PTPRN2: variants seen among roughly 807,000 people sequenced by gnomAD.
The protein encoded by PTPRN2 is protein tyrosine phosphatase receptor type N2.
Under a neutral mutation model 118.8 loss-of-function variants are expected in PTPRN2, and 74 were observed. The ratio of observed to expected loss-of-function variants is 0.62; its 90% CI spans 0.52 to 0.76. The LOEUF is 0.76. PTPRN2 is among the 30% of genes least tolerant of loss of function. PTPRN2 has a pLI of 0.00. For synonymous variants in PTPRN2, 641 were observed against 608.0 expected (o/e 1.05, Z -0.80); for missense variants, 1,481 against 1,394.4 (o/e 1.06, Z -0.99).
chr7:157,807,124 A>T lies in PTPRN2; in HGVS notation c.1788+91549T>A, dbSNP rs115393637. 6.1e-3 allele frequency among the ~76,000 whole-genome samples: 922 copies of T among 152,302 alleles called. 6 individuals carry two copies. The highest frequency in any genetic ancestry group is 0.021 in the African/African-American group (863 of 41,562). ...GAGAGGCAGAAATGGGGCCCTTCCG[A>T]TGTAGCTGGCAAAGCTGTAGGTGAA... On this transcript the variant is annotated intron_variant, in intron 12 of 22. Coordinates refer to ENST00000389418, the MANE Select transcript of PTPRN2 (RefSeq NM_002847.5).
At chr7:158,129,675 G>A (rs927789288) in intron 9 of PTPRN2, among the ~76,000 whole-genome samples, 4 of 152,254 alleles carry the variant, frequency 2.6e-5, no homozygotes, top group East Asian at 1.9e-4. Context: ...AGCACAGGGC[G>A]TTTGACCACC....
intron 11 of PTPRN2, among the ~76,000 whole-genome samples, chr7:158,050,815 GCACA>G (rs1809268552): frequency 6.6e-6 from 1 of 152,206 alleles, no homozygotes; most frequent in Non-Finnish European, 1.5e-5. Context: ...CTTCCTCTGT[GCACA>G]CCTCTTTATG....
intron 1 of PTPRN2, among the ~76,000 whole-genome samples, chr7:158,578,405 C>T (rs973202690): frequency 6.6e-6 from 1 of 151,368 alleles, no homozygotes; most frequent in Non-Finnish European, 1.5e-5. Flanking sequence ...CATGGTGGCA[C>T]ATACCTGTAG....
At chr7:158,500,418 AAAG>A (rs1447567168) in intron 1 of PTPRN2, among the ~76,000 whole-genome samples, 2 of 152,260 alleles carry the variant, frequency 1.3e-5, no homozygotes, top group South Asian at 2.1e-4. Context: ...GACACAGAAC[AAAG>A]AAGAAAAACT....
intron 3 of PTPRN2, among the ~76,000 whole-genome samples, chr7:158,247,705 C>T (rs1050254830): frequency 2.0e-5 from 3 of 152,280 alleles, no homozygotes; most frequent in East Asian, 3.9e-4. Context: ...CAATCTCCGC[C>T]TCCCGGGTTC....
Position 158,008,833 on chromosome 7 carries a change from G to A in PTPRN2, c.1723+72465C>T, listed in dbSNP as rs1585193950. Among the ~76,000 whole-genome samples the A allele has an allele frequency of 2.0e-5, 3 of 152,180 alleles. No homozygotes were observed. In the East Asian group the frequency reaches 5.8e-4, roughly 29 times the overall value. ...CTTTCTCATGGTCTAGTCATTGTAA[G>A]TTTGTTTTTTAAAAAGTTTTACTAA... is the stretch of plus-strand genomic sequence containing the variant. On this transcript the variant is annotated intron_variant, in intron 11 of 22. Transcript: ENST00000389418.
At chr7:158,104,451 C>A (rs1214715772) in intron 10 of PTPRN2, among the ~76,000 whole-genome samples, 1 of 152,104 alleles carries the variant, frequency 6.6e-6, no homozygotes, top group East Asian at 1.9e-4. Flanking sequence ...ACACCAAGAT[C>A]AGCAGCAGGG....
In PTPRN2 at chr7:158,071,388, G is replaced by GTGA. The variant is rs773697646; in HGVS notation, c.1723+9909_1723+9910insTCA. 4.2e-4 allele frequency among the ~76,000 whole-genome samples: 43 copies of GTGA among 101,388 alleles called. 1 individual carries two copies. Among genetic ancestry groups the GTGA allele is most frequent in the South Asian group, 1.1e-3 (3 of 2,656 alleles). 66.5% of individuals were successfully genotyped at this position (101,388 alleles called of 152,430 possible). On this transcript the variant is annotated intron_variant, in intron 11 of 22. Coordinates refer to ENST00000389418, the MANE Select transcript of PTPRN2 (RefSeq NM_002847.5). Reference sequence around the variant, plus strand: ...GCTCATGGTGGTGGAGGTGCTCGTGGTGGAGGTGCTCGTGGTGGAGTTGCT... The same window carrying GTGA: ...GCTCATGGTGGTGGAGGTGCTCGTGGTGATGGAGGTGCTCGTGGTGGAGTTGCT...
intron 12 of PTPRN2, among the ~76,000 whole-genome samples, chr7:157,728,730 A>G (rs1467083517): frequency 1.3e-5 from 2 of 152,224 alleles, no homozygotes; most frequent in Non-Finnish European, 2.9e-5. Flanking sequence ...AGACTATTGA[A>G]AAAAGGATTT....
At chr7:158,250,445 C>T (rs1452841575) in intron 3 of PTPRN2, among the ~76,000 whole-genome samples, 2 of 152,044 alleles carry the variant, frequency 1.3e-5, no homozygotes, top group Non-Finnish European at 2.9e-5. Flanking sequence ...CAAAAGGGAA[C>T]CGGCCTCCCC....
At chr7:158,100,801 G>C (rs1323611188) in intron 10 of PTPRN2, among the ~76,000 whole-genome samples, 3 of 152,098 alleles carry the variant, frequency 2.0e-5, no homozygotes, top group Non-Finnish European at 4.4e-5. Flanking sequence ...TTAGTCTTTT[G>C]TCGGATATAT....
chr7:158,238,075 G>T (rs192467517), intron 3 of PTPRN2, among the ~76,000 whole-genome samples: 1 of 152,190 alleles, frequency 6.6e-6, no homozygotes, highest in East Asian at 1.9e-4. Flanking sequence ...CAGTGCAGCC[G>T]CGGCCTCCTG....
intron 19 of PTPRN2, among the ~76,000 whole-genome samples, chr7:157,574,873 T>C (rs1799944211): frequency 6.6e-6 from 1 of 152,220 alleles, no homozygotes; most frequent in South Asian, 2.1e-4. Flanking sequence ...AGATAACACA[T>C]GAAAGGTGGC....
chr7:158,335,514 C>A (rs111280034), intron 2 of PTPRN2, among the ~76,000 whole-genome samples: 1 of 50,572 alleles, frequency 2.0e-5, no homozygotes, highest in Non-Finnish European at 4.2e-5. Flanking sequence ...CACCCACACT[C>A]TCACCATAAG....
chr7:158,538,564 G>C (rs1825786322), intron 1 of PTPRN2, among the ~76,000 whole-genome samples: 2 of 152,144 alleles, frequency 1.3e-5, no homozygotes, highest in Non-Finnish European at 2.9e-5. Context: ...GGCGTCTCAA[G>C]TGCCCCAGCC....
intron 13 of PTPRN2, among the ~76,000 whole-genome samples, chr7:157,664,614 C>T (rs2150763397): frequency 6.6e-6 from 1 of 152,002 alleles, no homozygotes; most frequent in South Asian, 2.1e-4. Context: ...AAATAATTAG[C>T]TAGGTGTGGT....
chr7:158,336,819 A>T (rs28519671), intron 2 of PTPRN2, among the ~76,000 whole-genome samples: 1 of 94,006 alleles, frequency 1.1e-5, no homozygotes. Flanking sequence ...CACCATAAGA[A>T]GTGACACCTG....
At chr7:157,731,562 T>G (rs369182369) in intron 12 of PTPRN2, among the ~76,000 whole-genome samples, 19 of 91,444 alleles carry the variant, frequency 2.1e-4, no homozygotes, top group Non-Finnish European at 3.8e-4. Context: ...TCCCGTCCCA[T>G]GCGCCCAGCA....
chr7:157,595,778 T>C (rs1356745033), intron 16 of PTPRN2, among the ~76,000 whole-genome samples: 1 of 152,162 alleles, frequency 6.6e-6, no homozygotes, highest in Non-Finnish European at 1.5e-5. Context: ...TGCCCTTTGT[T>C]GATTCAAACG....
Sources: allele counts gnomAD v4.1 joint callset (sites outside exome capture counted in the v4.1 genomes callset), GRCh38; gene constraint gnomAD v4.1.1; transcripts MANE v1.5; gene names NCBI Gene and HGNC (gene_info 2026-07-23, HGNC 2026-07-21).